The following SUGCT variants were observed in gnomAD, a reference collection of about 807,000 sequenced individuals.
SUGCT encodes the protein succinyl-CoA:glutarate-CoA transferase, also known as succinyl-CoA:glutarate CoA-transferase.
Under a neutral mutation model 55.0 loss-of-function variants are expected in SUGCT, and 41 were observed. The observed-to-expected ratio is 0.74, with a 90% confidence interval of 0.58 to 0.97. SUGCT has a LOEUF of 0.97. Among genes scored for constraint, SUGCT ranks in the 50% least tolerant of loss-of-function variants. The pLI is 0.00. For missense variants in SUGCT, 568 were observed against 547.8 expected, an observed-to-expected ratio of 1.04 and a Z score of -0.37; for synonymous variants, 187 against 200.4, an observed-to-expected ratio of 0.93 and a Z score of 0.56.
At chr7:40,746,693 A>G (rs1250214199) in intron 12 of SUGCT, among the ~76,000 whole-genome samples, 4 of 152,222 alleles carry the variant, frequency 2.6e-5, no homozygotes, top group Non-Finnish European at 5.9e-5. Context: ...ATTTCAATCA[A>G]CTGCTAGCTT....
the SUGCT span, among the ~76,000 whole-genome samples, chr7:41,007,618 A>G: frequency 3.9e-5 from 6 of 152,160 alleles, no homozygotes; most frequent in Admixed American, 6.5e-5. Context: ...TCAAATACTT[A>G]CTTGACTTTG....
the SUGCT span, among the ~76,000 whole-genome samples, chr7:40,884,363 C>A: frequency 1.3e-5 from 2 of 152,186 alleles, no homozygotes; most frequent in African/African-American, 4.8e-5. Context: ...AATATGTTTC[C>A]TTTGCTCATA....
chr7:40,648,770 A>C (rs1001047308), intron 12 of SUGCT, among the ~76,000 whole-genome samples: 2 of 152,334 alleles, frequency 1.3e-5, no homozygotes, highest in East Asian at 3.9e-4. Context: ...CAAGTATGCC[A>C]AGGATGGCCT....
chr7:40,971,503 G>A, the SUGCT span, among the ~76,000 whole-genome samples: 1 of 152,200 alleles, frequency 6.6e-6, no homozygotes, highest in Non-Finnish European at 1.5e-5. Context: ...GAAGGGATAA[G>A]CAGAAGAGAT....
rs897360687 is a variant in SUGCT, at chr7:40,494,295, C to T, written c.987-1989C>T. On this transcript the variant is annotated intron_variant, in intron 11 of 13. Transcript: ENST00000335693. ...TATGAAAACTTAAGTAATTGACACC[C>T]TATTCGAAAAGGCTGCAGGTTCAAA... Among the ~76,000 whole-genome samples, 4 of 152,260 alleles carry T rather than the reference C, an allele frequency of 2.6e-5. No individual in the cohort carries two copies. The East Asian group carries it at 5.8e-4, about 22-fold the overall frequency.
chr7:40,589,150 A>ATG (rs148183852), intron 12 of SUGCT, among the ~76,000 whole-genome samples: 2,109 of 150,336 alleles, frequency 0.014, 41 homozygotes, highest in Admixed American at 0.053. Flanking sequence ...ATGTACATAT[A>ATG]TGTGTGTGTG....
chr7:40,893,651 A>T, the SUGCT span, among the ~76,000 whole-genome samples: 3 of 152,152 alleles, frequency 2.0e-5, no homozygotes, highest in African/African-American at 7.2e-5. Context: ...TATTCACAGA[A>T]TCAGTAAAAA....
intron 7 of SUGCT, among the ~76,000 whole-genome samples, chr7:40,242,924 TATATA>T (rs1789516790): frequency 1.6e-4 from 5 of 31,750 alleles, no homozygotes; most frequent in Admixed American, 7.5e-4. Flanking sequence ...TATATATATA[TATATA>T]TATATTTTTT....
intron 12 of SUGCT, among the ~76,000 whole-genome samples, chr7:40,597,447 C>T (rs1474612940): frequency 1.3e-5 from 2 of 152,134 alleles, no homozygotes; most frequent in Non-Finnish European, 2.9e-5. Flanking sequence ...GTGTGATCTA[C>T]TTTACAAGCT....
intron 7 of SUGCT, among the ~76,000 whole-genome samples, chr7:40,271,838 C>A (rs1289848457): frequency 2.6e-5 from 4 of 151,896 alleles, no homozygotes; most frequent in Non-Finnish European, 4.4e-5. Context: ...TCTCCTCCCC[C>A]TACCCTTCCC....
intron 8 of SUGCT, among the ~76,000 whole-genome samples, chr7:40,310,080 G>A (rs1795065769): frequency 6.6e-6 from 1 of 152,138 alleles, no homozygotes; most frequent in Admixed American, 6.6e-5. Flanking sequence ...AAAGAGTACT[G>A]TATGGAAAGG....
the SUGCT span, among the ~76,000 whole-genome samples, chr7:40,937,684 C>T: frequency 1.3e-5 from 2 of 151,954 alleles, no homozygotes; most frequent in East Asian, 1.9e-4. Context: ...TTTGTCTGAA[C>T]GTCTATTTTG....
At chr7:40,141,248 G>C (rs538107958) in intron 1 of SUGCT, among the ~76,000 whole-genome samples, 12 of 151,238 alleles carry the variant, frequency 7.9e-5, no homozygotes, top group African/African-American at 2.9e-4. Context: ...TGCAATGTAG[G>C]CTCACTGCAA....
chr7:40,379,262 ATTG>A (rs1380516506), intron 9 of SUGCT, among the ~76,000 whole-genome samples: 1 of 152,162 alleles, frequency 6.6e-6, no homozygotes, highest in Non-Finnish European at 1.5e-5. Flanking sequence ...ATAAATTCCT[ATTG>A]TTGTAAGCCA....
chr7:40,453,706 C>G (rs1789318338), intron 10 of SUGCT, among the ~76,000 whole-genome samples: 1 of 152,190 alleles, frequency 6.6e-6, no homozygotes, highest in African/African-American at 2.4e-5. Context: ...AGTAAAAATT[C>G]TCCTTAGAAT....
chr7:40,685,809 GGGA>G (rs1784439199), intron 12 of SUGCT, among the ~76,000 whole-genome samples: 1 of 152,068 alleles, frequency 6.6e-6, no homozygotes, highest in African/African-American at 2.4e-5. Context: ...CAACCAAGGT[GGGA>G]AGATCCCTTG....
chr7:40,252,961 C>G (rs1790536343), intron 7 of SUGCT, among the ~76,000 whole-genome samples: 1 of 152,144 alleles, frequency 6.6e-6, no homozygotes, highest in Admixed American at 6.6e-5. Flanking sequence ...CTTATTAAAG[C>G]TAATGAATAT....
At chr7:40,266,262 A>G (rs930307712) in intron 7 of SUGCT, among the ~76,000 whole-genome samples, 7 of 124,518 alleles carry the variant, frequency 5.6e-5, no homozygotes, top group Non-Finnish European at 1.1e-4. Flanking sequence ...TGATTCTCCT[A>G]CCTCAGCCTC....
intron 12 of SUGCT, among the ~76,000 whole-genome samples, chr7:40,498,190 C>T (rs1315819399): frequency 1.3e-5 from 2 of 152,150 alleles, no homozygotes; most frequent in Non-Finnish European, 2.9e-5. Flanking sequence ...ACAAATGTCT[C>T]TACAAACTGC....
Sources: allele counts gnomAD v4.1 joint callset (sites outside exome capture counted in the v4.1 genomes callset), GRCh38; gene constraint gnomAD v4.1.1; transcripts MANE v1.5; gene names NCBI Gene and HGNC (gene_info 2026-07-23, HGNC 2026-07-21).